The following LMNTD1 variants were observed in gnomAD, a reference collection of about 807,000 sequenced individuals.
LMNTD1 encodes lamin tail domain containing 1, also known as lamin tail domain-containing protein 1.
In LMNTD1, 35 loss-of-function variants were observed where a neutral mutation model predicts 50.9. That is an observed-to-expected ratio of 0.69 (90% CI 0.53 to 0.91). The LOEUF is 0.91. Ranked by LOEUF, LMNTD1 falls within the 40% of genes least tolerant of loss-of-function variation. LMNTD1 has a pLI of 0.00. For missense variants in LMNTD1, 470 were observed against 475.5 expected (o/e 0.99, Z 0.11); for synonymous variants, 153 against 161.9 (o/e 0.94, Z 0.42).
At chr12:25,478,367 T>C (rs1006347251) in intron 9 of LMNTD1, among the ~76,000 whole-genome samples, 1 of 152,186 alleles carries the variant, frequency 6.6e-6, no homozygotes, top group African/African-American at 2.4e-5. Flanking sequence ...CAAATACTAT[T>C]ACATAAAGTT....
At chr12:25,537,267 G>A (rs1942672487) in intron 4 of LMNTD1, among the ~76,000 whole-genome samples, 2 of 152,326 alleles carry the variant, frequency 1.3e-5, no homozygotes, top group South Asian at 4.1e-4. Context: ...CTCCACCTCT[G>A]GGGGCAAGGC....
rs34604830 is a variant in LMNTD1 at position 25,502,227 on chromosome 12, T to TC, written c.*22+1510dup. On this transcript the variant is annotated intron_variant, in intron 9 of 9. Coordinates refer to ENST00000458174, the MANE Select transcript of LMNTD1 (RefSeq NM_001145728.2). ...TTTTTCCAAGCAAAACATAAAAAAT[T>TC]CCCCCCCTTTTTTTTTGTATACAAT... Among the ~76,000 whole-genome samples, 1,238 of 151,930 alleles carry TC rather than the reference T, an allele frequency of 8.1e-3. 8 individuals are homozygous for TC. Among genetic ancestry groups the TC allele is most frequent in the Non-Finnish European group, 0.012 (808 of 67,912 alleles).
intron 1 of LMNTD1, among the ~76,000 whole-genome samples, chr12:25,646,583 G>A (rs1947077255): frequency 6.6e-6 from 1 of 152,134 alleles, no homozygotes; most frequent in African/African-American, 2.4e-5. Context: ...TTAACCCAAA[G>A]TCCCTGGTTT....
intron 1 of LMNTD1, among the ~76,000 whole-genome samples, chr12:25,559,121 A>G (rs559498745): frequency 2.0e-5 from 3 of 152,124 alleles, no homozygotes; most frequent in African/African-American, 7.2e-5. Context: ...ATGCATACAC[A>G]TGCCATGTCG....
At position 25,537,361 on chromosome 12, in the gene LMNTD1, C is replaced by T. The variant is rs188917360; in HGVS notation, c.491+9013G>A. The stretch of plus-strand genomic sequence containing the variant: ...GAAGAGAGCAGGGGTTCTCCCAGTA[C>T]GCAGCTGGAGATCTGGGAATGGGCA... On this transcript the variant is annotated intron_variant, in intron 4 of 9. Coordinates refer to ENST00000458174, the MANE Select transcript of LMNTD1 (RefSeq NM_001145728.2). Among the ~76,000 whole-genome samples, 12 of 152,314 alleles carry T rather than the reference C, an allele frequency of 7.9e-5. 1 individual carries two copies. The highest frequency in any genetic ancestry group is 3.9e-4 in the East Asian group (2 of 5,170).
At chr12:25,601,365 G>A (rs1308870065) in intron 1 of LMNTD1, among the ~76,000 whole-genome samples, 1 of 151,576 alleles carries the variant, frequency 6.6e-6, no homozygotes, top group Non-Finnish European at 1.5e-5. Context: ...CAAAAAAATA[G>A]TTAGAAAGAA....
chr12:25,576,543 A>AT lies in LMNTD1; in HGVS notation c.59-29990dup, dbSNP rs1248547217. 1.3e-5 allele frequency among the ~76,000 whole-genome samples: 2 copies of AT among 151,462 alleles called. 1 individual carries two copies. Among genetic ancestry groups the AT allele is most frequent in the Middle Eastern group, 6.4e-3 (2 of 314 alleles). On this transcript the variant is annotated intron_variant, in intron 1 of 7. Coordinates refer to the LMNTD1 transcript ENST00000445693. ...GCCCACTTTTTGATGGGGTTGTTTGATTTTTTTCTTGTAAATTTGTTTAAG... is the reference window on the plus strand; with the variant it reads ...GCCCACTTTTTGATGGGGTTGTTTGATTTTTTTTCTTGTAAATTTGTTTAAG...
Position 25,552,897 on chromosome 12 carries a change from C to G in LMNTD1, c.63G>C (p.Gln21His). ...GTTTTTGTTTCTCATTCTTATCTTC[C>G]TGCTCATGGACTTTATTCTGCATTG... Reference protein sequence around the residue: ...SKAMQNKVHEQEDKNEKQKQR... With the variant: ...SKAMQNKVHEHEDKNEKQKQR... Residue 21 changes from glutamine (Q) to histidine (H), a missense_variant, in exon 2 of 10, where the codon CAG becomes CAC. Transcript: ENST00000458174. 1 of 1,550,944 alleles carries G rather than the reference C, an allele frequency of 6.4e-7. No homozygotes were observed. The highest frequency in any genetic ancestry group is 8.7e-7 in the Non-Finnish European group (1 of 1,145,794).
Position 25,577,655 on chromosome 12 carries a change from C to T in LMNTD1, c.59-31101G>A, listed in dbSNP as rs190090605. On this transcript the variant is annotated intron_variant, in intron 1 of 7. Coordinates refer to the LMNTD1 transcript ENST00000445693. Reference sequence around the variant, plus strand: ...CAGGGACAATTTGACTTCCTCTTTTCCTAATTGAATACACTTTATTTCTTT... The same window carrying T: ...CAGGGACAATTTGACTTCCTCTTTTTCTAATTGAATACACTTTATTTCTTT... Among the ~76,000 whole-genome samples the T allele has an allele frequency of 3.4e-3, 521 of 152,260 alleles. 5 individuals carry two copies. Among genetic ancestry groups the T allele is most frequent in the African/African-American group, 0.012 (511 of 41,530 alleles).
intron 8 of LMNTD1, among the ~76,000 whole-genome samples, 177 bp from the exon 9 acceptor site, chr12:25,503,977 T>G (rs1423714098): frequency 6.6e-6 from 1 of 152,192 alleles, no homozygotes; most frequent in African/African-American, 2.4e-5. Context: ...GGATAGTATT[T>G]AGGGGAGACT....
At chr12:25,527,670 A>ATATATATATATAT (rs1565975822) in intron 4 of LMNTD1, among the ~76,000 whole-genome samples, 1 of 21,394 alleles carries the variant, frequency 4.7e-5, no homozygotes, top group African/African-American at 1.1e-4. Flanking sequence ...ATATATATAT[A>ATATATATATATAT]TATATATATA....
At chr12:25,544,297 G>C (rs1162954935) in intron 4 of LMNTD1, among the ~76,000 whole-genome samples, 1 of 151,836 alleles carries the variant, frequency 6.6e-6, no homozygotes, top group Admixed American at 6.6e-5. Flanking sequence ...TTGCTGAATT[G>C]ACCCCTTTAT....
intron 1 of LMNTD1, among the ~76,000 whole-genome samples, chr12:25,621,350 A>G (rs1189066960): frequency 6.6e-6 from 1 of 152,184 alleles, no homozygotes; most frequent in Non-Finnish European, 1.5e-5. Flanking sequence ...TTAGACTTCC[A>G]AAGTGCTGGG....
At position 25,515,834 on chromosome 12, in the gene LMNTD1, C is replaced by T. The variant is rs560592236; in HGVS notation, c.1189+2961G>A. On this transcript the variant is annotated intron_variant, in intron 8 of 9. Coordinates refer to ENST00000458174, the MANE Select transcript of LMNTD1 (RefSeq NM_001145728.2). ...TTTCAGATAGAAGATAGATTTCTTT[C>T]TATCTAAGATTCTTCTGTAACTCAG... Among the ~76,000 whole-genome samples, 6 of 152,194 alleles carry T rather than the reference C, an allele frequency of 3.9e-5. No individual in the cohort carries two copies. The East Asian group carries it at 1.2e-3, about 29-fold the overall frequency.
At chr12:25,581,945 G>T (rs1945309277) in intron 1 of LMNTD1, among the ~76,000 whole-genome samples, 1 of 152,172 alleles carries the variant, frequency 6.6e-6, no homozygotes, top group Non-Finnish European at 1.5e-5. Context: ...GTCCATCATT[G>T]ATCGAAAGAT....
At chr12:25,524,331 C>T (rs569384004) in intron 6 of LMNTD1, among the ~76,000 whole-genome samples, 2 of 152,198 alleles carry the variant, frequency 1.3e-5, no homozygotes, top group Admixed American at 6.5e-5. Flanking sequence ...CTGACAGATA[C>T]GAAATATATT....
At chr12:25,518,147 C>T (rs1366875443) in intron 8 of LMNTD1, among the ~76,000 whole-genome samples, 2 of 152,158 alleles carry the variant, frequency 1.3e-5, no homozygotes, top group Non-Finnish European at 2.9e-5. Flanking sequence ...CAGGCTTTCT[C>T]CAATAGTTGA....
At position 25,525,287 on chromosome 12, in the gene LMNTD1, G is replaced by T. The variant is rs533563498; in HGVS notation, c.798+812C>A. Among the ~76,000 whole-genome samples the T allele has an allele frequency of 5.9e-5, 9 of 152,182 alleles. No homozygotes were observed. The South Asian group carries it at 1.9e-3, about 32-fold the overall frequency. ...CAAATTACCCAAAGCTATTGCTAAT[G>T]CCCTTAATTTTATAAGGAGTAAAGT... On this transcript the variant is annotated intron_variant, in intron 6 of 9. Transcript: ENST00000458174.
chr12:25,530,011 A>G (rs1398285815), intron 4 of LMNTD1, among the ~76,000 whole-genome samples: 3 of 152,116 alleles, frequency 2.0e-5, no homozygotes, highest in Middle Eastern at 3.4e-3. Context: ...AAACACTTCA[A>G]ATTTTCAGCC....
Sources: gnomAD v4.1 joint callset for allele counts (sites outside exome capture counted in the v4.1 genomes callset) on GRCh38, gnomAD v4.1.1 for gene constraint, MANE v1.5 for transcripts, NCBI Gene and HGNC (gene_info 2026-07-23, HGNC 2026-07-21) for gene names.